The following WIPF1 variants were observed in gnomAD, a reference collection of about 807,000 sequenced individuals.
The protein encoded by WIPF1 is WAS/WASL interacting protein family member 1.
In WIPF1, 13 loss-of-function variants were observed where a neutral mutation model predicts 35.4. That is an observed-to-expected ratio of 0.37 (90% CI 0.24 to 0.58). WIPF1 has a LOEUF of 0.58. Ranked by LOEUF, WIPF1 falls within the 20% of genes least tolerant of loss-of-function variation. The probability of loss-of-function intolerance (pLI) is 0.74; values close to 1 mark genes in which losing one functional copy is unlikely to be tolerated. For missense variants in WIPF1, 591 were observed against 667.0 expected, an observed-to-expected ratio of 0.89 and a Z score of 1.25; for synonymous variants, 267 against 266.3, an observed-to-expected ratio of 1.00 and a Z score of -0.02.
chr2:174,634,157 G>A (rs1320662209), intron 1 of WIPF1, among the ~76,000 whole-genome samples: 1 of 152,148 alleles, frequency 6.6e-6, no homozygotes, highest in Non-Finnish European at 1.5e-5. Flanking sequence ...CCCCACAGAT[G>A]TCTGCAAACA....
intron 1 of WIPF1, among the ~76,000 whole-genome samples, chr2:174,682,448 G>A (rs1272528443): frequency 5.9e-5 from 9 of 152,168 alleles, no homozygotes; most frequent in Non-Finnish European, 1.0e-4. Context: ...CGAGCCCCAC[G>A]GGGCGGCCCC....
chr2:174,568,894 G>A (rs973846750), intron 5 of WIPF1: 6 of 151,958 alleles, frequency 3.9e-5, no homozygotes, highest in Non-Finnish European at 5.9e-5. Flanking sequence ...GTAGCAGTAT[G>A]GTATAACCAT....
intron 1 of WIPF1, among the ~76,000 whole-genome samples, chr2:174,619,325 CACTT>C (rs1574840024): frequency 2.0e-5 from 3 of 152,216 alleles, no homozygotes; most frequent in African/African-American, 7.2e-5. Flanking sequence ...TTTACTTAAT[CACTT>C]ATTTATTTAA....
chr2:174,631,915 T>A (rs1687033373), intron 1 of WIPF1, among the ~76,000 whole-genome samples: 1 of 152,216 alleles, frequency 6.6e-6, no homozygotes, highest in Admixed American at 6.5e-5. Flanking sequence ...AGTGCCACTC[T>A]GGTATTATCT....
intron 1 of WIPF1, among the ~76,000 whole-genome samples, chr2:174,670,448 T>C (rs1356569976): frequency 6.6e-6 from 1 of 152,140 alleles, no homozygotes; most frequent in Non-Finnish European, 1.5e-5. Flanking sequence ...GGTAACTGAG[T>C]TGTCGAGGGC....
At chr2:174,588,300 T>C (rs1685489383) in intron 1 of WIPF1, among the ~76,000 whole-genome samples, 1 of 152,192 alleles carries the variant, frequency 6.6e-6, no homozygotes, top group Non-Finnish European at 1.5e-5. Flanking sequence ...CAAGACTATT[T>C]TGTCTGACTC....
chr2:174,624,842 T>C (rs1057172418), intron 1 of WIPF1, among the ~76,000 whole-genome samples: 2 of 152,108 alleles, frequency 1.3e-5, no homozygotes, highest in African/African-American at 4.8e-5. Flanking sequence ...GCACACAAGA[T>C]TGAATATTCA....
At chr2:174,638,630 T>C (rs1235826295) in intron 1 of WIPF1, among the ~76,000 whole-genome samples, 2 of 152,132 alleles carry the variant, frequency 1.3e-5, no homozygotes, top group East Asian at 1.9e-4. Flanking sequence ...ATTCCGCATA[T>C]GGGTGAGAGC....
intron 4 of WIPF1, among the ~76,000 whole-genome samples, chr2:174,573,326 T>G (rs1315908489): frequency 6.6e-6 from 1 of 151,826 alleles, no homozygotes; most frequent in East Asian, 1.9e-4. Flanking sequence ...CCAAATAATT[T>G]TGAGCACTTG....
At chr2:174,675,327 A>G (rs1377017890) in intron 1 of WIPF1, among the ~76,000 whole-genome samples, 2 of 152,086 alleles carry the variant, frequency 1.3e-5, no homozygotes, top group Admixed American at 6.5e-5. Flanking sequence ...ATCTGAATAA[A>G]TTTACAACTA....
chr2:174,628,121 C>T (rs1686905362), intron 1 of WIPF1, among the ~76,000 whole-genome samples: 1 of 152,086 alleles, frequency 6.6e-6, no homozygotes, highest in East Asian at 1.9e-4. Context: ...TAAAAATTCA[C>T]AAGAGGCTGC....
chr2:174,668,667 C>T (rs919513048), intron 1 of WIPF1, among the ~76,000 whole-genome samples: 2 of 152,190 alleles, frequency 1.3e-5, no homozygotes, highest in Admixed American at 6.5e-5. Context: ...AAACACCACA[C>T]AAAGAGCTAA....
chr2:174,681,163 G>A (rs932026726), intron 1 of WIPF1, among the ~76,000 whole-genome samples: 4 of 152,226 alleles, frequency 2.6e-5, no homozygotes, highest in Admixed American at 6.5e-5. Flanking sequence ...AGTTATGGCA[G>A]GGGTTGGGTA....
intron 2 of WIPF1, among the ~76,000 whole-genome samples, chr2:174,582,643 G>A (rs988385241): frequency 2.0e-5 from 3 of 152,098 alleles, no homozygotes; most frequent in African/African-American, 4.8e-5. Context: ...ATACAGCCTC[G>A]AACTCTTGGG....
At position 174,665,539 on chromosome 2, in the gene WIPF1, TG is replaced by T. The variant is rs1687873294; in HGVS notation, c.-39+17234del. Reference sequence around the variant, plus strand: ...ACAATGTGACTGGTTTCTACATGTCTGACAAATTTCTATTTAAATAAGTATT... The same window carrying T: ...ACAATGTGACTGGTTTCTACATGTCTACAAATTTCTATTTAAATAAGTATT... On this transcript the variant is annotated intron_variant, in intron 1 of 8. Transcript: ENST00000272746. The T allele has an allele frequency of 2.6e-5, 4 of 152,384 alleles. No individual in the cohort carries two copies. The South Asian group carries it at 8.3e-4, about 32-fold the overall frequency. The allele number at this position is 152,384 out of a possible 1,614,324, so 9.4% of individuals were successfully genotyped here.
chr2:174,576,243 A>AAAAAAAAAAAAAAAAAC (rs1559149036), intron 3 of WIPF1, among the ~76,000 whole-genome samples: 9 of 150,466 alleles, frequency 6.0e-5, no homozygotes, highest in African/African-American at 2.2e-4. Context: ...AAAAAAAAAA[A>AAAAAAAAAAAAAAAAAC]AAAAAACACT....
At chr2:174,610,589 C>T (rs1226563728) in intron 1 of WIPF1, among the ~76,000 whole-genome samples, 5 of 152,094 alleles carry the variant, frequency 3.3e-5, no homozygotes, top group African/African-American at 7.2e-5. Context: ...CTCACCCCCA[C>T]CATCATTAAA....
At chr2:174,633,350 C>A (rs1037576385) in intron 1 of WIPF1, among the ~76,000 whole-genome samples, 11 of 151,788 alleles carry the variant, frequency 7.2e-5, no homozygotes, top group Non-Finnish European at 1.6e-4. Flanking sequence ...ACACATTTTA[C>A]AACACTTTGG....
At chr2:174,660,987 G>A (rs1202165123) in intron 1 of WIPF1, among the ~76,000 whole-genome samples, 2 of 152,256 alleles carry the variant, frequency 1.3e-5, no homozygotes, top group African/African-American at 4.8e-5. Flanking sequence ...AGAGGGGCGA[G>A]GGGCATGTCC....
Sources: allele counts gnomAD v4.1 joint callset (sites outside exome capture counted in the v4.1 genomes callset), GRCh38; gene constraint gnomAD v4.1.1; transcripts MANE v1.5; gene names NCBI Gene and HGNC (gene_info 2026-07-23, HGNC 2026-07-21).